DNTTIP1: variants seen among roughly 807,000 people sequenced by gnomAD.
DNTTIP1 encodes the protein deoxynucleotidyltransferase terminal-interacting protein 1.
In DNTTIP1, 22 loss-of-function variants were observed where a neutral mutation model predicts 52.9. The observed-to-expected ratio is 0.42, with a 90% CI of 0.30 to 0.59. The LOEUF is 0.59. Among genes scored for constraint, DNTTIP1 ranks in the 20% least tolerant of loss-of-function variants. The pLI, the probability that DNTTIP1 is intolerant of heterozygous loss-of-function variation, is 0.22. For synonymous variants in DNTTIP1, 136 were observed against 155.1 expected (o/e 0.88, Z 0.92); for missense variants, 286 against 435.5 (o/e 0.66, Z 3.06).
At chr20:45,797,198 C>A (rs6032548) in intron 4 of DNTTIP1, among the ~76,000 whole-genome samples, 3 of 151,970 alleles carry the variant, frequency 2.0e-5, no homozygotes, top group African/African-American at 7.3e-5. Context: ...TTTTAAAAAC[C>A]CTTCAGTGAC....
chr20:45,793,858 G>T, intron 2 of DNTTIP1, 63 bp from the exon 3 acceptor site: 1 of 1,016,834 alleles, frequency 9.8e-7, no homozygotes, highest in South Asian at 1.7e-5. Flanking sequence ...TAATTAACTG[G>T]GGAGGCTGGG....
intron 11 of DNTTIP1, among the ~76,000 whole-genome samples, chr20:45,810,491 T>C (rs1034517975): frequency 1.3e-5 from 2 of 152,204 alleles, no homozygotes; most frequent in African/African-American, 4.8e-5. Context: ...CATTTTGTTA[T>C]AACCCACCTT....
chr20:45,796,568 A>G, intron 4 of DNTTIP1: 3 of 471,046 alleles, frequency 6.4e-6, no homozygotes, highest in Non-Finnish European at 1.3e-5. Context: ...AGGTCTATAA[A>G]TGACTGTTCC....
At chr20:45,800,375 A>AAT (rs973823703) in intron 4 of DNTTIP1, among the ~76,000 whole-genome samples, 21 of 151,760 alleles carry the variant, frequency 1.4e-4, no homozygotes, top group Admixed American at 1.3e-3. Flanking sequence ...TATGCATATA[A>AAT]ATATATATAT....
At chr20:45,795,479 G>T in intron 4 of DNTTIP1, 36 bp downstream of exon 4, 5 of 1,334,220 alleles carry the variant, frequency 3.7e-6, no homozygotes, top group Admixed American at 1.9e-5. Flanking sequence ...CAGGCACAAG[G>T]TTTAGCTCTC....
intron 10 of DNTTIP1, among the ~76,000 whole-genome samples, chr20:45,807,771 A>G (rs1981696242): frequency 2.6e-5 from 4 of 151,390 alleles, no homozygotes; most frequent in Non-Finnish European, 4.4e-5. Flanking sequence ...ACATGGTGAA[A>G]CCCCATCTCT....
chr20:45,792,581 C>A, intron 1 of DNTTIP1, 96 bp from the exon 2 acceptor site: 1 of 911,892 alleles, frequency 1.1e-6, no homozygotes, highest in Non-Finnish European at 1.6e-6. Context: ...ATCTGAGAAG[C>A]AGGGATGTCC....
intron 3 of DNTTIP1, among the ~76,000 whole-genome samples, chr20:45,794,757 T>C (rs1305419901): frequency 6.8e-6 from 1 of 146,856 alleles, no homozygotes; most frequent in African/African-American, 2.5e-5. Context: ...GAGAACAGCC[T>C]GGGCAACACA....
chr20:45,799,931 C>T (rs1442104642), intron 4 of DNTTIP1, among the ~76,000 whole-genome samples: 29 of 145,230 alleles, frequency 2.0e-4, no homozygotes, highest in Admixed American at 2.0e-3. Flanking sequence ...CGTGATAAAA[C>T]CCCATCTCTA....
At chr20:45,803,572 CA>C (rs768949507) in intron 8 of DNTTIP1, among the ~76,000 whole-genome samples, 194 bp downstream of exon 8, 1 of 152,206 alleles carries the variant, frequency 6.6e-6, no homozygotes, top group East Asian at 1.9e-4. Flanking sequence ...AGAGGCAAAA[CA>C]AAGAGAGGGC....
chr20:45,796,095 A>C (rs537986663), intron 4 of DNTTIP1, among the ~76,000 whole-genome samples: 1 of 152,310 alleles, frequency 6.6e-6, no homozygotes, highest in African/African-American at 2.4e-5. Flanking sequence ...GGGGGATGTT[A>C]ATCAAAGGGT....
In DNTTIP1 at chr20:45,803,215, G is replaced by A. The variant is rs1236291025; in HGVS notation, c.558-118G>A. ...CCTCCTCTTATGTGTCACCACGAAG[G>A]AGGATGTCCAGGGCTAAAGTGAGAG... On this transcript the variant is annotated intron_variant, in intron 7 of 12. Transcript: ENST00000372622. 7.3e-6 allele frequency: 7 copies of A among 961,584 alleles called. No individual in the cohort carries two copies. The Admixed American group carries it at 1.4e-4, about 20-fold the overall frequency. 59.6% of individuals were successfully genotyped at this position (961,584 alleles called of 1,614,324 possible). A position where few individuals can be genotyped will look rare whatever the true frequency, so the allele number is the denominator to read the frequency against.
At chr20:45,804,830 C>A (rs1406058649) in intron 8 of DNTTIP1, among the ~76,000 whole-genome samples, 3 of 152,218 alleles carry the variant, frequency 2.0e-5, no homozygotes, top group Non-Finnish European at 1.5e-5. Flanking sequence ...AGGAAGCCTT[C>A]CTGGCTGGAC....
intron 4 of DNTTIP1, among the ~76,000 whole-genome samples, chr20:45,797,397 A>G (rs1054870592): frequency 2.0e-5 from 3 of 152,204 alleles, no homozygotes; most frequent in South Asian, 2.1e-4. Flanking sequence ...AACCTAGGCA[A>G]TACCATTCAG....
intron 9 of DNTTIP1, 49 bp downstream of exon 9, chr20:45,805,253 A>G (rs755515674): frequency 6.2e-7 from 1 of 1,614,050 alleles, no homozygotes. Flanking sequence ...TCAGGAGTTC[A>G]CTAGTAGGAC....
chr20:45,807,038 T>G (rs2145705483), intron 10 of DNTTIP1, among the ~76,000 whole-genome samples: 1 of 152,292 alleles, frequency 6.6e-6, no homozygotes, highest in South Asian at 2.1e-4. Context: ...CTTTTTTCTT[T>G]TTTTTTAACT....
In DNTTIP1 at chr20:45,810,913, G is replaced by A. The variant is rs760659404; in HGVS notation, c.824G>A (p.Arg275Gln). 83 of 1,614,120 alleles carry A rather than the reference G, an allele frequency of 5.1e-5. No homozygotes were observed. The highest frequency in any genetic ancestry group is 6.7e-5 in the Admixed American group (4 of 60,020). The change falls in exon 12 of 13, where the codon CGG becomes CAG. Residue 275 changes from arginine to glutamine, a missense_variant. By Grantham distance (43) the Arg-to-Gln change is conservative. Around this residue, in one of 2 missense-constraint regions of DNTTIP1, gnomAD observed 78 missense variants for 169.0 expected, o/e 0.46. Coordinates refer to ENST00000372622, the MANE Select transcript of DNTTIP1 (RefSeq NM_052951.3). ...MAYLLIEEDI[R>Q]DLAASDDYRG... ...TACCTCCTCATCGAGGAGGACATCC[G>A]GGACCTTGCGGCCAGTGATGATTAC...
At chr20:45,796,173 A>G (rs1981230704) in intron 4 of DNTTIP1, among the ~76,000 whole-genome samples, 1 of 152,186 alleles carries the variant, frequency 6.6e-6, no homozygotes, top group Admixed American at 6.6e-5. Context: ...ACTATAGTTT[A>G]TCTCTATTGT....
At chr20:45,807,227 A>G (rs902339680) in intron 10 of DNTTIP1, among the ~76,000 whole-genome samples, 2 of 151,892 alleles carry the variant, frequency 1.3e-5, no homozygotes, top group Admixed American at 1.3e-4. Flanking sequence ...GGTTCAAGCA[A>G]TTGTCTGCCT....
Sources: gnomAD v4.1 joint callset for allele counts (sites outside exome capture counted in the v4.1 genomes callset) on GRCh38, gnomAD v4.1.1 for gene constraint, gnomAD v4.1.1 regional missense constraint, MANE v1.5 for transcripts, NCBI Gene and HGNC (gene_info 2026-07-23, HGNC 2026-07-21) for gene names.